The following RRN3 variants were observed in gnomAD, a reference collection of about 807,000 sequenced individuals.
RRN3 encodes RNA polymerase I transcription factor RRN3.
Under a neutral mutation model 82.3 loss-of-function variants are expected in RRN3, and 38 were observed. That is an observed-to-expected ratio of 0.46 (90% CI 0.36 to 0.61). The LOEUF (loss-of-function observed/expected upper bound fraction) is 0.61, where lower values mean the gene tolerates loss of function less well. RRN3 is among the 20% of genes least tolerant of loss of function. The pLI is 0.00. For missense variants in RRN3, 726 were observed against 793.1 expected, an observed-to-expected ratio of 0.92 and a Z score of 1.02; for synonymous variants, 284 against 284.3, an observed-to-expected ratio of 1.00 and a Z score of 0.01.
intron 9 of RRN3, 93 bp downstream of exon 9, chr16:15,079,905 T>G: frequency 3.0e-6 from 4 of 1,342,020 alleles, no homozygotes; most frequent in Non-Finnish European, 4.1e-6. Context: ...CCAAGTGGAT[T>G]CTTTTCTATC....
In RRN3 at chr16:15,061,479, C is replaced by A. The variant is rs1044209150; in HGVS notation, c.*265G>T. 2 of 386,696 alleles carry A rather than the reference C, an allele frequency of 5.2e-6. No individual in the cohort carries two copies. Among genetic ancestry groups the A allele is most frequent in the Non-Finnish European group, 9.2e-6 (2 of 217,998 alleles). 24.0% of individuals were successfully genotyped at this position (386,696 alleles called of 1,614,324 possible). A position where few individuals can be genotyped will look rare whatever the true frequency, so the allele number is the denominator to read the frequency against. ...TAACACAAAAAATGTACATATTAAA[C>A]AAGCAAATCCTTCCAAATGTATCAT... On this transcript the variant is annotated 3_prime_UTR_variant, in exon 18 of 18. Transcript: ENST00000198767.
intron 2 of RRN3, among the ~76,000 whole-genome samples, chr16:15,092,037 G>C (rs1567229622): frequency 6.6e-6 from 1 of 152,158 alleles, no homozygotes; most frequent in Non-Finnish European, 1.5e-5. Flanking sequence ...AAATTAGCCA[G>C]GTGTGGTGGT....
intron 16 of RRN3, among the ~76,000 whole-genome samples, chr16:15,064,501 G>T (rs1291266232): frequency 6.6e-6 from 1 of 152,096 alleles, no homozygotes; most frequent in Non-Finnish European, 1.5e-5. Context: ...TTTATCCTGT[G>T]CAACAGAATG....
rs1359739525 is a variant in RRN3 at position 15,065,333 on chromosome 16, C to T, written c.1592G>A (p.Arg531Lys). 1 of 1,613,608 alleles carries T rather than the reference C, an allele frequency of 6.2e-7. No homozygotes were observed. Among genetic ancestry groups the T allele is most frequent in the Admixed American group, 1.7e-5 (1 of 59,980 alleles). Residue 531 changes from arginine to lysine, a missense_variant, in exon 16 of 18, where the codon AGG (arginine) becomes AAG (lysine). By Grantham distance (26) the Arg-to-Lys change is conservative. Coordinates refer to ENST00000198767, the MANE Select transcript of RRN3 (RefSeq NM_018427.5). Reference protein sequence around the residue: ...QLVFCYTIIERNNRQMLPVIR... With the variant: ...QLVFCYTIIEKNNRQMLPVIR... ...GACTGGCAGCATCTGGCGATTGTTC[C>T]TCTCAATGATGGTGTAGCAGAAGAC...
rs930594912 is a variant in RRN3 at position 15,077,330 on chromosome 16, G to A, written c.766-680C>T. ...TCCTGTAAGTCACACATGTTGCTGGGGGGGGACTGGTGGGAGATAATTTGA... is the reference window on the plus strand; with the variant it reads ...TCCTGTAAGTCACACATGTTGCTGGAGGGGGACTGGTGGGAGATAATTTGA... On this transcript the variant is annotated intron_variant, in intron 9 of 17. Transcript: ENST00000198767. 5.9e-5 allele frequency among the ~76,000 whole-genome samples: 9 copies of A among 152,236 alleles called. No individual in the cohort carries two copies. The South Asian group carries it at 8.3e-4, about 14-fold the overall frequency.
chr16:15,088,403 G>T (rs189972287), intron 3 of RRN3, among the ~76,000 whole-genome samples: 1 of 152,084 alleles, frequency 6.6e-6, no homozygotes, highest in African/African-American at 2.4e-5. Context: ...GGAGGTTGAG[G>T]CTGCAGTGAG....
At chr16:15,088,989 T>C (rs540678258) in intron 3 of RRN3, among the ~76,000 whole-genome samples, 1 of 151,986 alleles carries the variant, frequency 6.6e-6, no homozygotes, top group African/African-American at 2.4e-5. Context: ...TCTGGGTAAA[T>C]GCATCTAACA....
chr16:15,093,825 C>T (rs2046238634), intron 1 of RRN3: 2 of 415,420 alleles, frequency 4.8e-6, no homozygotes, highest in South Asian at 3.2e-5. Context: ...AGGGAAATCC[C>T]TTCCAAATTT....
At position 15,092,011 on chromosome 16, in the gene RRN3, T is replaced by A. The variant is rs566680021; in HGVS notation, c.195+498A>T. On this transcript the variant is annotated intron_variant, in intron 2 of 17. Transcript: ENST00000198767. ...GGCCAACATGGTGAAACCCTGCCTC[T>A]ACTAAAAAAATAAAAAAATTAGCCA... Among the ~76,000 whole-genome samples the A allele has an allele frequency of 3.3e-5, 5 of 152,154 alleles. No homozygotes were observed. The South Asian group carries it at 1.0e-3, about 32-fold the overall frequency.
In RRN3 at chr16:15,076,088, G is replaced by A. The variant is rs558951594; in HGVS notation, c.858+470C>T. On this transcript the variant is annotated intron_variant, in intron 10 of 17. Coordinates refer to ENST00000198767, the MANE Select transcript of RRN3 (RefSeq NM_018427.5). ...TGTAGCGACCTCCCAAGTGAGACCCGGCCCCCGTTTAGCTCCCCTGCCCTC... is the reference window on the plus strand; with the variant it reads ...TGTAGCGACCTCCCAAGTGAGACCCAGCCCCCGTTTAGCTCCCCTGCCCTC... Among the ~76,000 whole-genome samples, 27 of 152,178 alleles carry A rather than the reference G, an allele frequency of 1.8e-4. No homozygotes were observed. The East Asian group carries it at 3.7e-3, about 21-fold the overall frequency.
chr16:15,062,117 C>CT (rs1451301918), intron 17 of RRN3, among the ~76,000 whole-genome samples: 2 of 152,182 alleles, frequency 1.3e-5, no homozygotes, highest in Non-Finnish European at 2.9e-5. Context: ...AGTTCCGAAT[C>CT]CAGCCTGGGC....
rs894593047 is a variant in RRN3 at position 15,060,064 on chromosome 16, C to G, written c.*1680G>C. 10 of 267,012 alleles carry G rather than the reference C, an allele frequency of 3.7e-5. No individual in the cohort carries two copies. Among genetic ancestry groups the G allele is most frequent in the African/African-American group, 9.3e-5 (4 of 43,042 alleles). 16.5% of individuals were successfully genotyped at this position (267,012 alleles called of 1,614,324 possible). A position where few individuals can be genotyped will look rare whatever the true frequency, so the allele number is the denominator to read the frequency against. On this transcript the variant is annotated 3_prime_UTR_variant, in exon 18 of 18. Coordinates refer to ENST00000198767, the MANE Select transcript of RRN3 (RefSeq NM_018427.5). ...GAGGTACCTTTTATTGGTATAAGAA[C>G]GTAAGTTCCAGATTAACCATGTCAT...
chr16:15,079,382 A>G lies in RRN3; in HGVS notation c.765+616T>C, dbSNP rs1458992635. Among the ~76,000 whole-genome samples, 6 of 152,334 alleles carry G rather than the reference A, an allele frequency of 3.9e-5. No individual in the cohort carries two copies. The South Asian group carries it at 8.3e-4, about 21-fold the overall frequency. ...CCAAACAGGAAAAATCACTTCCGTA[A>G]GAATCCCTTCCTGACCCCACTGTGA... On this transcript the variant is annotated intron_variant, in intron 9 of 17. Coordinates refer to ENST00000198767, the MANE Select transcript of RRN3 (RefSeq NM_018427.5).
At chr16:15,073,201 C>T in intron 11 of RRN3, 121 bp from the exon 12 acceptor site, 1 of 1,133,184 alleles carries the variant, frequency 8.8e-7, no homozygotes, top group Non-Finnish European at 1.3e-6. Context: ...CACAGTGGCT[C>T]CTGCCTGCAA....
intron 12 of RRN3, 51 bp downstream of exon 12, chr16:15,072,899 T>C (rs1188420093): frequency 5.6e-6 from 9 of 1,595,668 alleles, no homozygotes; most frequent in Admixed American, 1.8e-5. Flanking sequence ...GGGAAAATTT[T>C]TGGGCAAAAA....
chr16:15,092,257 A>C (rs1426719739), intron 2 of RRN3, among the ~76,000 whole-genome samples: 1 of 152,210 alleles, frequency 6.6e-6, no homozygotes, highest in African/African-American at 2.4e-5. Flanking sequence ...TCGTAAATAA[A>C]GCATTTGAAG....
chr16:15,061,551 T>TA lies in RRN3; in HGVS notation c.*192dup. Reference sequence around the variant, plus strand: ...CACATGATAGTCTTCATTTTGTCTGTAAGGGGAACAACAACAACAAAAAAA... The same window carrying TA: ...CACATGATAGTCTTCATTTTGTCTGTAAAGGGGAACAACAACAACAAAAAAA... On this transcript the variant is annotated 3_prime_UTR_variant, in exon 18 of 18. Transcript: ENST00000198767. 2.1e-6 allele frequency: 1 copy of TA among 480,814 alleles called. No individual in the cohort carries two copies. Among genetic ancestry groups the TA allele is most frequent in the East Asian group, 3.1e-5 (1 of 32,726 alleles). 29.8% of individuals were successfully genotyped at this position (480,814 alleles called of 1,614,324 possible).
chr16:15,091,549 G>T (rs2046130346), intron 2 of RRN3, among the ~76,000 whole-genome samples, 178 bp from the exon 3 acceptor site: 1 of 151,476 alleles, frequency 6.6e-6, no homozygotes, highest in Non-Finnish European at 1.5e-5. Context: ...TGTTAGTGCA[G>T]CCAGAGGGCT....
chr16:15,073,116 G>A (rs1191373299), intron 11 of RRN3, 36 bp from the exon 12 acceptor site: 1 of 1,596,540 alleles, frequency 6.3e-7, no homozygotes, highest in Non-Finnish European at 8.5e-7. Flanking sequence ...TTTTTATAAA[G>A]ACATATTTTC....
Sources: gnomAD v4.1 joint callset for allele counts (sites outside exome capture counted in the v4.1 genomes callset) on GRCh38, gnomAD v4.1.1 for gene constraint, MANE v1.5 for transcripts, NCBI Gene and HGNC (gene_info 2026-07-23, HGNC 2026-07-21) for gene names.